Variants in KIF16B observed in about 807,000 individuals in gnomAD.
The protein encoded by KIF16B is kinesin-like protein KIF16B.
KIF16B carries 98 observed loss-of-function variants against 156.3 expected under a neutral mutation model. That is an observed-to-expected ratio of 0.63 (90% confidence interval 0.53 to 0.74). The LOEUF is 0.74. Among genes scored for constraint, KIF16B ranks in the 30% least tolerant of loss-of-function variants. The pLI, the probability that KIF16B is intolerant of heterozygous loss-of-function variation, is 0.00. For missense variants in KIF16B, 1,421 were observed against 1,606.5 expected (o/e 0.88, Z 1.97); for synonymous variants, 564 against 583.7 (o/e 0.97, Z 0.49).
At chr20:16,282,646 C>T (rs2063163714) in intron 25 of KIF16B, among the ~76,000 whole-genome samples, 1 of 152,030 alleles carries the variant, frequency 6.6e-6, no homozygotes, top group Admixed American at 6.5e-5. Flanking sequence ...GGAGGCAGGG[C>T]TTTGGGGCAT....
chr20:16,537,397 T>G (rs895608912), intron 1 of KIF16B, among the ~76,000 whole-genome samples: 1 of 152,138 alleles, frequency 6.6e-6, no homozygotes, highest in African/African-American at 2.4e-5. Flanking sequence ...CACTCCTGCT[T>G]GTCTCATCCA....
chr20:16,359,413 AT>A (rs967298052), intron 22 of KIF16B, among the ~76,000 whole-genome samples: 26 of 152,134 alleles, frequency 1.7e-4, no homozygotes, highest in Admixed American at 1.4e-3. Flanking sequence ...TTCCACCATG[AT>A]TGTAATCTTC....
At chr20:16,526,657 C>A (rs967845707) in intron 2 of KIF16B, among the ~76,000 whole-genome samples, 3 of 152,202 alleles carry the variant, frequency 2.0e-5, no homozygotes, top group Non-Finnish European at 4.4e-5. Context: ...CTTGGACACT[C>A]CATGGAGAAG....
intron 12 of KIF16B, among the ~76,000 whole-genome samples, chr20:16,481,130 G>A (rs1229454986): frequency 6.6e-6 from 1 of 152,164 alleles, no homozygotes; most frequent in Non-Finnish European, 1.5e-5. Context: ...CCTTTCACGT[G>A]TCTGCGGTAG....
chr20:16,400,392 C>T (rs1208085609), intron 17 of KIF16B, among the ~76,000 whole-genome samples: 1 of 152,162 alleles, frequency 6.6e-6, no homozygotes, highest in Non-Finnish European at 1.5e-5. Context: ...GAAACTGGAA[C>T]CCTTGTGCCC....
chr20:16,381,745 A>G lies in KIF16B; in HGVS notation c.1787T>C (p.Leu596Pro). The change falls in exon 18 of 26, where the codon CTT (leucine) becomes CCT (proline). Residue 596 changes from leucine to proline, a missense_variant and splice_region_variant. Coordinates refer to ENST00000354981, the MANE Select transcript of KIF16B (RefSeq NM_024704.5). ...LSAVMLYNPGLEFERQQREEL... is the reference protein window; with the variant it reads ...LSAVMLYNPGPEFERQQREEL... Reference sequence around the variant, plus strand: ...TTCACGCTGTTGCCTCTCAAATTCAAGTCTAATAAAATCAAATGAAAATGA... The same window carrying G: ...TTCACGCTGTTGCCTCTCAAATTCAGGTCTAATAAAATCAAATGAAAATGA... 1 of 1,609,870 alleles carries G rather than the reference A, an allele frequency of 6.2e-7. No individual in the cohort carries two copies.
At chr20:16,285,009 G>A (rs146825562) in intron 25 of KIF16B, among the ~76,000 whole-genome samples, 70 of 152,318 alleles carry the variant, frequency 4.6e-4, no homozygotes, top group Middle Eastern at 3.4e-3. Context: ...CTGAGAGGAC[G>A]GAAGTGTCTG....
intron 18 of KIF16B, 97 bp downstream of exon 18, chr20:16,381,597 G>T: frequency 1.2e-6 from 1 of 822,898 alleles, no homozygotes; most frequent in Non-Finnish European, 1.9e-6. Context: ...AGAGCAAGGG[G>T]GAAGTATTGA....
chr20:16,417,382 A>C (rs958665892), intron 15 of KIF16B, among the ~76,000 whole-genome samples: 4 of 152,170 alleles, frequency 2.6e-5, no homozygotes, highest in Non-Finnish European at 5.9e-5. Context: ...GTGGAACGGC[A>C]GACACGATCT....
rs1464613671 is a variant in KIF16B, at chr20:16,379,095, G to T, written c.2907C>A (p.Leu969=). Residue 969 remains leucine, a synonymous_variant, in exon 19 of 26, where the codon CTC becomes CTA. Coordinates refer to ENST00000354981, the MANE Select transcript of KIF16B (RefSeq NM_024704.5). The part of the protein sequence containing the change: ...YQANANQLQK[L]QATFEFTANI... ...TGGCAGTGAATTCAAAGGTGGCTTG[G>T]AGCTTTTGCAGCTGGTTTGCATTGG... 6.2e-7 allele frequency: 1 copy of T among 1,612,592 alleles called. No individual in the cohort carries two copies. The highest frequency in any genetic ancestry group is 1.1e-5 in the South Asian group (1 of 90,880).
rs546452750 is a variant in KIF16B, at chr20:16,503,676, A to G, written c.1176+696T>C. ...AAAAAGCTATCCTTCATTTTCTTTCAAGGGTTGCCTTTCTTCACAGCAATA... is the reference window on the plus strand; with the variant it reads ...AAAAAGCTATCCTTCATTTTCTTTCGAGGGTTGCCTTTCTTCACAGCAATA... On this transcript the variant is annotated intron_variant, in intron 10 of 25. Transcript: ENST00000354981. Among the ~76,000 whole-genome samples, 3 of 152,298 alleles carry G rather than the reference A, an allele frequency of 2.0e-5. No individual in the cohort carries two copies. The South Asian group carries it at 6.2e-4, about 32-fold the overall frequency.
chr20:16,406,555 T>A, intron 15 of KIF16B, 99 bp from the exon 16 acceptor site: 1 of 1,025,276 alleles, frequency 9.8e-7, no homozygotes, highest in Non-Finnish European at 1.5e-6. Context: ...TAATTTCCAG[T>A]GTATTATAAA....
rs147741047 is a variant in KIF16B at position 16,399,006 on chromosome 20, T to C, written c.1784+5807A>G. ...AACAATTAAGAGGGTCAGCCCCTAG[T>C]TTGGCCTAAGAGGGGGAAAGTAATA... On this transcript the variant is annotated intron_variant, in intron 17 of 25. Coordinates refer to ENST00000354981, the MANE Select transcript of KIF16B (RefSeq NM_024704.5). Among the ~76,000 whole-genome samples the C allele has an allele frequency of 3.9e-5, 6 of 152,240 alleles. No individual in the cohort carries two copies. The East Asian group carries it at 1.2e-3, about 29-fold the overall frequency.
At chr20:16,331,005 G>A (rs1399918080) in intron 24 of KIF16B, among the ~76,000 whole-genome samples, 1 of 152,160 alleles carries the variant, frequency 6.6e-6, no homozygotes. Flanking sequence ...CTGCTTGGGG[G>A]GCTTCTCCAA....
At chr20:16,461,358 T>C (rs560376872) in intron 12 of KIF16B, among the ~76,000 whole-genome samples, 16 of 152,254 alleles carry the variant, frequency 1.1e-4, no homozygotes, top group African/African-American at 3.6e-4. Flanking sequence ...ATGAAACCAA[T>C]TGATTCCACT....
rs2065369648 is a variant in KIF16B at position 16,391,677 on chromosome 20, A to G, written c.1785-9930T>C. ...GGGATGTGTGCAGGACAATGGAAGTACAGAAGGACCACATGGTGCCAGCAG... is the reference window on the plus strand; with the variant it reads ...GGGATGTGTGCAGGACAATGGAAGTGCAGAAGGACCACATGGTGCCAGCAG... On this transcript the variant is annotated intron_variant, in intron 17 of 25. Transcript: ENST00000354981. Among the ~76,000 whole-genome samples, 3 of 152,162 alleles carry G rather than the reference A, an allele frequency of 2.0e-5. No homozygotes were observed. The South Asian group carries it at 6.2e-4, about 31-fold the overall frequency.
intron 12 of KIF16B, among the ~76,000 whole-genome samples, chr20:16,457,999 T>G (rs747136368): frequency 6.6e-6 from 1 of 152,100 alleles, no homozygotes; most frequent in Non-Finnish European, 1.5e-5. Context: ...CAGAGAGAGA[T>G]AATTTTCTTT....
chr20:16,490,542 A>G (rs562956456), intron 12 of KIF16B, among the ~76,000 whole-genome samples: 1 of 152,286 alleles, frequency 6.6e-6, no homozygotes, highest in East Asian at 1.9e-4. Context: ...ACTCCATCTC[A>G]AAAATAAAAT....
intron 12 of KIF16B, among the ~76,000 whole-genome samples, chr20:16,493,457 A>G (rs780896772): frequency 1.3e-5 from 2 of 152,224 alleles, no homozygotes; most frequent in Non-Finnish European, 2.9e-5. Context: ...CTGCCAAGAC[A>G]TTCTGCCAAG....
Sources: allele counts gnomAD v4.1 joint callset (sites outside exome capture counted in the v4.1 genomes callset), GRCh38; gene constraint gnomAD v4.1.1; transcripts MANE v1.5; gene names NCBI Gene and HGNC (gene_info 2026-07-23, HGNC 2026-07-21).